Variants in COL4A4 observed in about 807,000 individuals in gnomAD.
The protein encoded by COL4A4 is collagen type IV alpha 4 chain, also known as collagen alpha-4(IV) chain.
Under a neutral mutation model 192.9 loss-of-function variants are expected in COL4A4, and 105 were observed. That is an observed-to-expected ratio of 0.54 (90% CI 0.46 to 0.64). The LOEUF (loss-of-function observed/expected upper bound fraction) is 0.64, where lower values mean the gene tolerates loss of function less well. Ranked by LOEUF, COL4A4 falls within the 30% of genes least tolerant of loss-of-function variation. The pLI is 0.00. For missense variants in COL4A4, 1,967 were observed against 2,169.3 expected (o/e 0.91, Z 1.85); for synonymous variants, 762 against 769.9 (o/e 0.99, Z 0.17).
chr2:227,060,728 T>C (rs1976755619), intron 26 of COL4A4, among the ~76,000 whole-genome samples: 1 of 20,722 alleles, frequency 4.8e-5, no homozygotes, highest in Non-Finnish European at 8.8e-5. Flanking sequence ...ATAGAGAATT[T>C]TTTTTTTTTT....
chr2:227,082,733 C>A (rs2059389210), intron 22 of COL4A4, among the ~76,000 whole-genome samples: 1 of 152,146 alleles, frequency 6.6e-6, no homozygotes, highest in Admixed American at 6.5e-5. Flanking sequence ...GAAGTGACGT[C>A]CTGCTAAGGA....
intron 1 of COL4A4, among the ~76,000 whole-genome samples, chr2:227,154,931 C>T (rs986152546): frequency 3.9e-5 from 6 of 152,126 alleles, no homozygotes; most frequent in Non-Finnish European, 8.8e-5. Flanking sequence ...GGGGTTGACC[C>T]TACCTTCAGA....
intron 37 of COL4A4, among the ~76,000 whole-genome samples, chr2:227,037,866 T>C (rs1386704000): frequency 6.6e-6 from 1 of 152,226 alleles, no homozygotes; most frequent in Non-Finnish European, 1.5e-5. Context: ...TTTCATATGT[T>C]TGTTGGCCGC....
At chr2:227,017,940 C>G (rs1245259536) in intron 44 of COL4A4, among the ~76,000 whole-genome samples, 3 of 151,850 alleles carry the variant, frequency 2.0e-5, no homozygotes, top group Non-Finnish European at 4.4e-5. Context: ...TCTTTTTTGT[C>G]TACTTGAGGC....
In COL4A4 at chr2:227,062,596, C is replaced by T. The variant is rs201181725; in HGVS notation, c.1990G>A (p.Asp664Asn). ...TAGGTTACGTTGCAAGAAATTGTGT[C>T]ACCTGCAATGAGAAAAGAAAAGCGG... ...GPDGLKGQKGDTISCNVTYPG... is the reference protein window; with the variant it reads ...GPDGLKGQKGNTISCNVTYPG... Residue 664 changes from aspartate to asparagine, a missense_variant and splice_region_variant, in exon 26 of 48, where the codon GAC (aspartate) becomes AAC (asparagine). Transcript: ENST00000396625. 134 of 1,611,768 alleles carry T rather than the reference C, an allele frequency of 8.3e-5. No individual in the cohort carries two copies. Among genetic ancestry groups the T allele is most frequent in the Non-Finnish European group, 1.1e-4 (130 of 1,177,992 alleles).
chr2:227,032,477 C>A (rs1250350251), intron 38 of COL4A4, among the ~76,000 whole-genome samples: 1 of 152,156 alleles, frequency 6.6e-6, no homozygotes, highest in Non-Finnish European at 1.5e-5. Flanking sequence ...AGTTTTATTT[C>A]TTTTATAGTT....
At chr2:227,086,102 C>T (rs1471962745) in intron 22 of COL4A4, among the ~76,000 whole-genome samples, 3 of 152,230 alleles carry the variant, frequency 2.0e-5, no homozygotes, top group Non-Finnish European at 4.4e-5. Context: ...GGCCCTAGTG[C>T]CTTGCACTAG....
At chr2:227,118,139 C>T (rs1306509862) in intron 7 of COL4A4, among the ~76,000 whole-genome samples, 1 of 152,108 alleles carries the variant, frequency 6.6e-6, no homozygotes, top group African/African-American at 2.4e-5. Context: ...TCTCAGCTAG[C>T]TGTGAACCTT....
intron 4 of COL4A4, among the ~76,000 whole-genome samples, chr2:227,124,677 G>T (rs1041621759): frequency 6.6e-6 from 1 of 152,002 alleles, no homozygotes; most frequent in African/African-American, 2.4e-5. Flanking sequence ...GTATTGTGAG[G>T]GTTTATCAAC....
intron 43 of COL4A4, among the ~76,000 whole-genome samples, chr2:227,022,976 T>A (rs1376874418): frequency 6.6e-6 from 1 of 152,134 alleles, no homozygotes; most frequent in Non-Finnish European, 1.5e-5. Flanking sequence ...CAGTGTCCAT[T>A]AGGGCTGAAA....
chr2:226,976,973 CA>C, the COL4A4 span, among the ~76,000 whole-genome samples: 8 of 152,234 alleles, frequency 5.3e-5, no homozygotes, highest in Admixed American at 3.3e-4. Context: ...GGGTGGATGG[CA>C]GAGGCCTCTT....
chr2:227,109,356 G>A (rs1319272811), intron 9 of COL4A4, 70 bp from the exon 10 acceptor site: 3 of 1,220,818 alleles, frequency 2.5e-6, no homozygotes, highest in Non-Finnish European at 3.7e-6. Flanking sequence ...AGAGTTGCGT[G>A]TGATCCCATG....
intron 23 of COL4A4, 49 bp from the exon 24 acceptor site, chr2:227,080,598 A>G: frequency 6.6e-7 from 1 of 1,520,610 alleles, no homozygotes; most frequent in Non-Finnish European, 9.1e-7. Context: ...GCAGAGGGTA[A>G]AGTAGGATAG....
chr2:226,990,841 C>T, the COL4A4 span, among the ~76,000 whole-genome samples: 1 of 152,138 alleles, frequency 6.6e-6, no homozygotes, highest in Non-Finnish European at 1.5e-5. Flanking sequence ...GGGCTGACCT[C>T]CATTGACAAA....
intron 43 of COL4A4, among the ~76,000 whole-genome samples, chr2:227,024,870 G>A (rs1212126560): frequency 6.6e-6 from 1 of 152,184 alleles, no homozygotes; most frequent in Non-Finnish European, 1.5e-5. Flanking sequence ...CTTCCCAGTG[G>A]GAACGGAGTT....
In COL4A4 at chr2:227,008,083, C is replaced by T. The variant is rs1962569439; in HGVS notation, c.4744G>A (p.Asp1582Asn). ...TGCGGACATGGGGGGATGGACTGGTCCTGGCTGTGCACCGCCACCGCCTGG... is the reference window on the plus strand; with the variant it reads ...TGCGGACATGGGGGGATGGACTGGTTCTGGCTGTGCACCGCCACCGCCTGG... ...PAQAVAVHSQDQSIPPCPQTW... is the reference protein window; with the variant it reads ...PAQAVAVHSQNQSIPPCPQTW... The change falls in exon 47 of 48, where the codon GAC becomes AAC. Residue 1582 changes from aspartate (D) to asparagine (N), a missense_variant. Physicochemically the swap from Asp to Asn is conservative, Grantham distance 23. Transcript: ENST00000396625. 2 of 1,614,102 alleles carry T rather than the reference C, an allele frequency of 1.2e-6. No homozygotes were observed. The highest frequency in any genetic ancestry group is 4.5e-5 in the East Asian group (2 of 44,880).
downstream of COL4A4, among the ~76,000 whole-genome samples, chr2:227,002,067 G>T (rs568470590): frequency 7.9e-5 from 12 of 151,538 alleles, no homozygotes; most frequent in East Asian, 7.8e-4. Context: ...CTACTGGGGA[G>T]GGTGAGGCAG....
At chr2:227,017,423 A>G (rs1226909038) in intron 44 of COL4A4, among the ~76,000 whole-genome samples, 1 of 152,216 alleles carries the variant, frequency 6.6e-6, no homozygotes, top group African/African-American at 2.4e-5. Flanking sequence ...ACATCAAAAC[A>G]AACCCTCCAG....
In COL4A4 at chr2:227,052,318, G is replaced by T; in HGVS notation, c.2955C>A (p.Phe985Leu). The change falls in exon 32 of 48, where the codon TTC becomes TTA. Residue 985 changes from phenylalanine (F) to leucine (L), a missense_variant. By Grantham distance (22) the Phe-to-Leu change is conservative. Coordinates refer to ENST00000396625, the MANE Select transcript of COL4A4 (RefSeq NM_000092.5). Reference sequence around the variant, plus strand: ...TTAAGTGTTTACCTCTTTCTCCTGGGAATCCATCATCTCCAGGAGGTCCAG... The same window carrying T: ...TTAAGTGTTTACCTCTTTCTCCTGGTAATCCATCATCTCCAGGAGGTCCAG... ...GEPGPPGDDG[F>L]PGERGDKGTP... is the part of the protein sequence containing the mutation. 6.3e-7 allele frequency: 1 copy of T among 1,592,942 alleles called. No homozygotes were observed. The highest frequency in any genetic ancestry group is 8.6e-7 in the Non-Finnish European group (1 of 1,160,756).
Sources: allele counts gnomAD v4.1 joint callset (sites outside exome capture counted in the v4.1 genomes callset), GRCh38; gene constraint gnomAD v4.1.1; transcripts MANE v1.5; gene names NCBI Gene and HGNC (gene_info 2026-07-23, HGNC 2026-07-21).